The following GRM8 variants were observed in gnomAD, a reference collection of about 807,000 sequenced individuals.
GRM8 encodes the protein metabotropic glutamate receptor 8.
A neutral mutation model predicts 87.2 loss-of-function variants in GRM8; 47 were observed. The observed-to-expected ratio is 0.54, with a 90% CI of 0.43 to 0.69. GRM8 has a LOEUF of 0.69. GRM8 is among the 30% of genes least tolerant of loss of function. The pLI is 0.00. For synonymous variants in GRM8, 396 were observed against 404.5 expected (o/e 0.98, Z 0.25); for missense variants, 1,019 against 1,139.2 (o/e 0.89, Z 1.52).
intron 2 of GRM8, among the ~76,000 whole-genome samples, chr7:127,129,967 AG>A (rs1000020035): frequency 3.9e-5 from 6 of 152,244 alleles, no homozygotes; most frequent in African/African-American, 1.2e-4. Context: ...TGTGTGAGGG[AG>A]GAACCTGGTG....
intron 3 of GRM8, among the ~76,000 whole-genome samples, chr7:127,105,937 G>A (rs1825764568): frequency 6.6e-6 from 1 of 152,090 alleles, no homozygotes; most frequent in South Asian, 2.1e-4. Flanking sequence ...GCAGCACCTT[G>A]TTGTAAACAA....
chr7:126,551,500 T>C (rs925198572), intron 8 of GRM8, among the ~76,000 whole-genome samples: 1 of 152,188 alleles, frequency 6.6e-6, no homozygotes, highest in Admixed American at 6.5e-5. Context: ...ATCCTGATCT[T>C]GTTACTTATG....
At chr7:127,083,105 A>G (rs1272535548) in intron 3 of GRM8, among the ~76,000 whole-genome samples, 1 of 152,232 alleles carries the variant, frequency 6.6e-6, no homozygotes, top group Non-Finnish European at 1.5e-5. Flanking sequence ...CTTGGCCCAG[A>G]TAAGTTGACA....
At chr7:126,520,141 A>G (rs1812762684) in intron 9 of GRM8, among the ~76,000 whole-genome samples, 1 of 152,150 alleles carries the variant, frequency 6.6e-6, no homozygotes, top group Non-Finnish European at 1.5e-5. Context: ...AGAAATTTCA[A>G]ACAAACACTG....
chr7:126,860,615 C>T (rs1248592480), intron 6 of GRM8, among the ~76,000 whole-genome samples: 1 of 152,042 alleles, frequency 6.6e-6, no homozygotes, highest in Non-Finnish European at 1.5e-5. Flanking sequence ...AACAAAATCT[C>T]ATTAAAAATG....
chr7:126,990,516 A>C (rs1812553657), intron 3 of GRM8, among the ~76,000 whole-genome samples: 2 of 152,226 alleles, frequency 1.3e-5, no homozygotes. Flanking sequence ...TAAGCAACTA[A>C]ACCTATGCAA....
At chr7:127,028,548 T>G (rs997754969) in intron 3 of GRM8, among the ~76,000 whole-genome samples, 1 of 152,218 alleles carries the variant, frequency 6.6e-6, no homozygotes, top group Non-Finnish European at 1.5e-5. Flanking sequence ...AACTTCTTCC[T>G]GGTTTAGTCT....
chr7:126,792,120 T>C (rs1012044002), intron 6 of GRM8, among the ~76,000 whole-genome samples: 2 of 152,194 alleles, frequency 1.3e-5, no homozygotes, highest in Non-Finnish European at 2.9e-5. Flanking sequence ...GGTCCCAGGA[T>C]GCCCCTCAGC....
intron 6 of GRM8, among the ~76,000 whole-genome samples, chr7:126,843,362 A>G (rs1194597053): frequency 2.0e-5 from 3 of 152,254 alleles, no homozygotes; most frequent in African/African-American, 7.2e-5. Flanking sequence ...GGCACATAGC[A>G]AAGGAAGGAA....
intron 3 of GRM8, among the ~76,000 whole-genome samples, chr7:126,958,985 T>A (rs1809033273): frequency 6.6e-6 from 1 of 152,190 alleles, no homozygotes; most frequent in African/African-American, 2.4e-5. Flanking sequence ...CATATTTCAT[T>A]TTGTTGACTC....
chr7:126,753,695 A>T (rs1276392026), intron 7 of GRM8, among the ~76,000 whole-genome samples: 1 of 151,916 alleles, frequency 6.6e-6, no homozygotes, highest in Non-Finnish European at 1.5e-5. Flanking sequence ...ATTAGTTTGA[A>T]TATAAATCCC....
chr7:127,179,478 C>T (rs549251851), intron 2 of GRM8, among the ~76,000 whole-genome samples: 18 of 152,090 alleles, frequency 1.2e-4, no homozygotes, highest in Non-Finnish European at 2.6e-4. Flanking sequence ...TGGATTTAAA[C>T]TATACCTTGG....
intron 3 of GRM8, among the ~76,000 whole-genome samples, chr7:127,041,969 T>C (rs1215988201): frequency 6.6e-6 from 1 of 151,810 alleles, no homozygotes; most frequent in Admixed American, 6.6e-5. Context: ...AAACCAGGAG[T>C]CTTGGCTGAT....
chr7:126,474,422 C>G (rs1430747228), intron 9 of GRM8, among the ~76,000 whole-genome samples: 2 of 152,160 alleles, frequency 1.3e-5, no homozygotes, highest in African/African-American at 4.8e-5. Context: ...GCATAGGCCA[C>G]CATGCCTGCC....
intron 2 of GRM8, among the ~76,000 whole-genome samples, chr7:127,185,891 C>CT (rs201562676): frequency 0.021 from 3,202 of 152,306 alleles, 58 homozygotes; most frequent in South Asian, 0.052. Context: ...CTCTCATCCT[C>CT]TTTCTCATTA....
At chr7:126,867,001 C>A (rs1210213203) in intron 6 of GRM8, among the ~76,000 whole-genome samples, 1 of 152,018 alleles carries the variant, frequency 6.6e-6, no homozygotes, top group East Asian at 1.9e-4. Context: ...TGATTTGGGG[C>A]GTATTATGCA....
chr7:126,874,607 A>G (rs1265351211), intron 6 of GRM8, among the ~76,000 whole-genome samples: 4 of 152,014 alleles, frequency 2.6e-5, no homozygotes, highest in Non-Finnish European at 5.9e-5. Context: ...TTTTATTCCC[A>G]TATTACAATT....
intron 2 of GRM8, among the ~76,000 whole-genome samples, chr7:127,127,558 T>C (rs1827438730): frequency 1.3e-5 from 2 of 152,064 alleles, no homozygotes; most frequent in African/African-American, 4.8e-5. Flanking sequence ...TGTGATTCTA[T>C]TTATTGAAAT....
chr7:126,934,146 A>T (rs1806043223), intron 3 of GRM8, among the ~76,000 whole-genome samples: 1 of 152,204 alleles, frequency 6.6e-6, no homozygotes, highest in Non-Finnish European at 1.5e-5. Flanking sequence ...TGGAGTTCTC[A>T]ACTGTGCTAT....
Sources: allele counts gnomAD v4.1 joint callset (sites outside exome capture counted in the v4.1 genomes callset), GRCh38; gene constraint gnomAD v4.1.1; transcripts MANE v1.5; gene names NCBI Gene and HGNC (gene_info 2026-07-23, HGNC 2026-07-21).